The following TTN variants were observed in gnomAD, a reference collection of about 807,000 sequenced individuals.
The protein encoded by TTN is titin.
Under a neutral mutation model 3,223.0 loss-of-function variants are expected in TTN, and 1,525 were observed. The ratio of observed to expected loss-of-function variants is 0.47; its 90% CI spans 0.45 to 0.49. TTN has a LOEUF of 0.49. Ranked by LOEUF, TTN falls within the 20% of genes least tolerant of loss-of-function variation. The probability of loss-of-function intolerance (pLI) is 0.00; values close to 1 mark genes in which losing one functional copy is unlikely to be tolerated. For missense variants in TTN, 40,786 were observed against 43,424.0 expected (o/e 0.94, Z 5.40); for synonymous variants, 14,094 against 15,161.0 (o/e 0.93, Z 5.17).
In TTN at chr2:178,595,648, A is replaced by G. The variant is rs375797796; in HGVS notation, c.57706T>C (p.Tyr19236His). 7 of 1,607,426 alleles carry G rather than the reference A, an allele frequency of 4.4e-6. No homozygotes were observed. In the African/African-American group the frequency reaches 6.7e-5, roughly 15 times the overall value. The change falls in exon 295 of 363, where the codon TAT (tyrosine) becomes CAT (histidine). Residue 19236 changes from tyrosine to histidine, a missense_variant. Transcript: ENST00000589042. ...SDRRAWTPVT[Y>H]TVTRQNATVQ... Reference sequence around the variant, plus strand: ...GTAGCATTTTGTCGGGTAACTGTATATGTCACTGGGGTCCATGCTCTGCGG... The same window carrying G: ...GTAGCATTTTGTCGGGTAACTGTATGTGTCACTGGGGTCCATGCTCTGCGG...
At position 178,594,030 on chromosome 2, in the gene TTN, C is replaced by T. The variant is rs191927501; in HGVS notation, c.58363G>A (p.Gly19455Ser). ...TTCTCCACAACCACACAGTATTTGC[C>T]GGAATCTGAACGTTTGGCCTTGATC... ...EKIKAKRSDS[G>S]KYCVVVENST... Residue 19455 changes from glycine (G) to serine (S), a missense_variant, in exon 297 of 363, where the codon GGC (glycine) becomes AGC (serine). Transcript: ENST00000589042. 350 of 1,613,528 alleles carry T rather than the reference C, an allele frequency of 2.2e-4. No individual in the cohort carries two copies. The highest frequency in any genetic ancestry group is 5.0e-4 in the Middle Eastern group (3 of 6,058).
chr2:178,703,483 T>C (rs909335472), intron 106 of TTN, among the ~76,000 whole-genome samples: 2 of 152,226 alleles, frequency 1.3e-5, no homozygotes, highest in Non-Finnish European at 2.9e-5. Context: ...CATATATTTG[T>C]GTTTCAGCAA....
At position 178,607,568 on chromosome 2, in the gene TTN, G is replaced by T. The variant is rs2055199446; in HGVS notation, c.53120C>A (p.Thr17707Asn). ...TTTATCCAGCTCCCCTTCTTCTTTG[G>T]TCCATACTTTTGTAGGTACAGGGCG... Reference protein sequence around the residue: ...TGRPVPTKVWTKEEGELDKDR... With the variant: ...TGRPVPTKVWNKEEGELDKDR... The change falls in exon 277 of 363, where the codon ACC becomes AAC. Residue 17707 changes from threonine to asparagine, a missense_variant. By Grantham distance (65) the Thr-to-Asn change is moderately conservative. Coordinates refer to ENST00000589042, the MANE Select transcript of TTN (RefSeq NM_001267550.2). 1 of 1,612,900 alleles carries T rather than the reference G, an allele frequency of 6.2e-7. No homozygotes were observed. Among genetic ancestry groups the T allele is most frequent in the Admixed American group, 1.7e-5 (1 of 59,954 alleles).
Position 178,727,715 on chromosome 2 carries a change from G to A in TTN, c.19863C>T (p.Phe6621=). 1 of 1,613,314 alleles carries A rather than the reference G, an allele frequency of 6.2e-7. No homozygotes were observed. Among genetic ancestry groups the A allele is most frequent in the East Asian group, 2.2e-5 (1 of 44,842 alleles). Residue 6621 remains phenylalanine (F), a synonymous_variant, in exon 68 of 363, where the codon TTC becomes TTT. Transcript: ENST00000589042. ...DVELVSGPKC[F]IGLEGSTSFL... ...AGCTAGTCGACCCTTCCAAGCCAAT[G>A]AAACATTTAGGACCTGAGACAAGTT... is the stretch of plus-strand genomic sequence containing the variant.
chr2:178,761,038 C>T (rs971874698), intron 43 of TTN: 3 of 152,334 alleles, frequency 2.0e-5, no homozygotes, highest in African/African-American at 7.2e-5. Flanking sequence ...TAAAACTTTT[C>T]TTGGTAGTGG....
intron 67 of TTN, 66 bp from the exon 68 acceptor site, chr2:178,727,929 T>A: frequency 1.4e-6 from 2 of 1,478,474 alleles, no homozygotes; most frequent in South Asian, 2.9e-5. Context: ...GACAGTTTTA[T>A]GGACATTTAA....
Position 178,529,219 on chromosome 2 carries a change from GCTAA to G in TTN, c.106532-4_106532-1del. ...TTTCTGTGCCTCAGTATCTTTTATA[GCTAA>G]AAAAGAAACCTCTGTAAGGCAAACT... On this transcript the variant is annotated splice_acceptor_variant and splice_polypyrimidine_tract_variant and intron_variant, in intron 359 of 362. Transcript: ENST00000589042. LOFTEE classifies it high-confidence loss of function. 1 of 1,460,272 alleles carries G rather than the reference GCTAA, an allele frequency of 6.8e-7. No individual in the cohort carries two copies. The highest frequency in any genetic ancestry group is 1.4e-5 in the African/African-American group (1 of 70,720). The allele number at this position is 1,460,272 out of a possible 1,614,324, so 90.5% of individuals were successfully genotyped here.
At chr2:178,699,636 C>A (rs2074522627) in intron 111 of TTN, among the ~76,000 whole-genome samples, 1 of 146,088 alleles carries the variant, frequency 6.8e-6, no homozygotes, top group African/African-American at 2.5e-5. Context: ...TGGTCTCGAT[C>A]TCCTGACCTT....
chr2:178,573,702 A>T lies in TTN; in HGVS notation c.72430T>A (p.Trp24144Arg), dbSNP rs554779387. 6.5e-7 allele frequency: 1 copy of T among 1,534,240 alleles called. No homozygotes were observed. The highest frequency in any genetic ancestry group is 1.3e-5 in the South Asian group (1 of 76,464). The change falls in exon 326 of 363, where the codon TGG (tryptophan) becomes AGG (arginine). Residue 24144 changes from tryptophan (W) to arginine (R), a missense_variant. Coordinates refer to ENST00000589042, the MANE Select transcript of TTN (RefSeq NM_001267550.2). ...CCTCCATCATCCAGTGGAGGGAACC[A>T]TGATAGTACACACTTTTCTGATGTC... ...EVTSEKCVLS[W>R]FPPLDDGGAK...
In TTN at chr2:178,775,087, A is replaced by G. The variant is rs1273231916; in HGVS notation, c.6624T>C (p.Tyr2208=). The change falls in exon 29 of 363, where the codon TAT becomes TAC. Residue 2208 remains tyrosine, a synonymous_variant. Transcript: ENST00000589042. Reference sequence around the variant, plus strand: ...CCTCATGAACCTCCATACCATCTTTATACCATTTCACTTTGACAAATGGTT... The same window carrying G: ...CCTCATGAACCTCCATACCATCTTTGTACCATTTCACTTTGACAAATGGTT... ...TSEPFVKVKW[Y]KDGMEVHEGD... is the part of the protein sequence containing the mutation. The G allele has an allele frequency of 6.2e-7, 1 of 1,614,046 alleles. No individual in the cohort carries two copies. The highest frequency in any genetic ancestry group is 8.5e-7 in the Non-Finnish European group (1 of 1,179,978).
Position 178,562,926 on chromosome 2 carries a change from C to G in TTN, c.83206G>C (p.Val27736Leu). Residue 27736 changes from valine to leucine, a missense_variant, in exon 326 of 363, where the codon GTT becomes CTT. Transcript: ENST00000589042. ...TACCGACCACTGTCAAATCTGGTAA[C>G]ATTATCAATCACCAACATTGTAAAT... is the stretch of plus-strand genomic sequence containing the variant. ...SSFTMLVIDN[V>L]TRFDSGRYNL... 1.2e-6 allele frequency: 2 copies of G among 1,613,606 alleles called. No homozygotes were observed. Among genetic ancestry groups the G allele is most frequent in the South Asian group, 2.2e-5 (2 of 91,074 alleles).
rs773615100 is a variant in TTN at position 178,636,798 on chromosome 2, A to G, written c.40929T>C (p.Gly13643=). 24 of 1,562,326 alleles carry G rather than the reference A, an allele frequency of 1.5e-5. No homozygotes were observed. In the South Asian group the frequency reaches 2.8e-4, roughly 18 times the overall value. The part of the protein sequence containing the change: ...EAAKPKGPIK[G]VPKKTPSPIE... ...TTGGTGAAGGAGTCTTTTTGGGTAC[A>G]CCTAATTCAAAGTAAAATAAAAAGT... The change falls in exon 225 of 363, where the codon GGT becomes GGC. Residue 13643 remains glycine, a splice_region_variant and synonymous_variant. Transcript: ENST00000589042. The surrounding 1 kb of genome is among the most constrained non-coding windows in gnomAD (Gnocchi z 4.3).
At chr2:178,690,875 A>G (rs2072232987) in intron 121 of TTN, among the ~76,000 whole-genome samples, 1 of 152,164 alleles carries the variant, frequency 6.6e-6, no homozygotes, top group Admixed American at 6.5e-5. Context: ...TTTAGAAGAC[A>G]TATATGACTT....
Position 178,652,914 on chromosome 2 carries a change from C to T in TTN, c.38893G>A (p.Glu12965Lys), listed in dbSNP as rs1247091113. The change falls in exon 200 of 363, where the codon GAG becomes AAG. Residue 12965 changes from glutamate to lysine, a missense_variant. Physicochemically the swap from Glu to Lys is moderately conservative, Grantham distance 56. Transcript: ENST00000589042. ...GGCATTTTCTTTTCAGGAACAACCT[C>T]TATGGGAGCCTCTGGCACTTAAAAG... ...PPVKVPEAPI[E>K]VVPEKKMPLA... is the part of the protein sequence containing the mutation. The T allele has an allele frequency of 6.2e-7, 1 of 1,607,202 alleles. No homozygotes were observed. Among genetic ancestry groups the T allele is most frequent in the African/African-American group, 1.3e-5 (1 of 74,188 alleles).
chr2:178,780,269 C>G (rs2092647321), intron 21 of TTN, 64 bp from the exon 22 acceptor site: 2 of 1,429,254 alleles, frequency 1.4e-6, no homozygotes, highest in Non-Finnish European at 2.0e-6. Context: ...TACCACTATG[C>G]ATTCAGGTAA....
At chr2:178,527,815 G>T (rs1306269963) in intron 361 of TTN, 67 bp from the exon 362 acceptor site, 2 of 1,438,536 alleles carry the variant, frequency 1.4e-6, no homozygotes, top group Non-Finnish European at 1.9e-6. Context: ...ATATGACGCT[G>T]ACTTACAGAA....
Position 178,551,803 on chromosome 2 carries a change from C to A in TTN, c.91097G>T (p.Arg30366Ile). 6.2e-7 allele frequency: 1 copy of A among 1,613,590 alleles called. No homozygotes were observed. The highest frequency in any genetic ancestry group is 2.2e-5 in the East Asian group (1 of 44,870). Residue 30366 changes from arginine to isoleucine, a missense_variant, in exon 335 of 363, where the codon AGA (arginine) becomes ATA (isoleucine). Arg to Ile is a moderately conservative substitution (Grantham distance 97). Transcript: ENST00000589042. ...AACTTTTTGCCAGAGGATGCTATTTCTTTCTTTCTTTTCAACATGGAATCC... is the reference window on the plus strand; with the variant it reads ...AACTTTTTGCCAGAGGATGCTATTTATTTCTTTCTTTTCAACATGGAATCC... ...VTGFHVEKKE[R>I]NSILWQKVNT... is the part of the protein sequence containing the mutation.
At position 178,650,758 on chromosome 2, in the gene TTN, G is replaced by T. The variant is rs1327382579; in HGVS notation, c.39702C>A (p.Pro13234=). ...CACCGGTCTCACGTGTACCTTCTGG[G>T]GGAGGAGACTCCGCTCTTTCTGGAA... The part of the protein sequence containing the change: ...VPVPERAESP[P]PEVYEEPEEI... The change falls in exon 209 of 363, where the codon CCC becomes CCA. Residue 13234 remains proline, a synonymous_variant. Coordinates refer to ENST00000589042, the MANE Select transcript of TTN (RefSeq NM_001267550.2). The T allele has an allele frequency of 3.1e-6, 5 of 1,603,452 alleles. No individual in the cohort carries two copies. Among genetic ancestry groups the T allele is most frequent in the Admixed American group, 1.7e-5 (1 of 58,924 alleles).
In TTN at chr2:178,779,058, G is replaced by A; in HGVS notation, c.4024C>T (p.Leu1342=). Residue 1342 remains leucine, a synonymous_variant, in exon 24 of 363, where the codon CTA becomes TTA. Transcript: ENST00000589042. ...CGCAGACTAGCTCTGCCATCTTGTA[G>A]AAAGTCCATTTGGTATCTTTCTCCA... ...KHGERYQMDF[L]QDGRASLRIP... The A allele has an allele frequency of 1.9e-6, 3 of 1,613,982 alleles. No individual in the cohort carries two copies. The highest frequency in any genetic ancestry group is 2.5e-6 in the Non-Finnish European group (3 of 1,179,958).
Sources: gnomAD v4.1 joint callset for allele counts (sites outside exome capture counted in the v4.1 genomes callset) on GRCh38, gnomAD v4.1.1 for gene constraint, Gnocchi (gnomAD v3.1) non-coding constraint, MANE v1.5 for transcripts, NCBI Gene and HGNC (gene_info 2026-07-23, HGNC 2026-07-21) for gene names.